The following OR52N4 variants were observed in gnomAD, a reference collection of about 807,000 sequenced individuals.
The protein encoded by OR52N4 is olfactory receptor family 52 subfamily N member 4.
In OR52N4, 15 loss-of-function variants were observed where a neutral mutation model predicts 15.0. The ratio of observed to expected loss-of-function variants is 1.00; its 90% confidence interval spans 0.67 to 1.54. OR52N4 has a LOEUF of 1.54. OR52N4 is among the 40% of genes most tolerant of loss of function. The pLI, the probability that OR52N4 is intolerant of heterozygous loss-of-function variation, is 0.00. For synonymous variants in OR52N4, 143 were observed against 143.7 expected (o/e 1.00, Z 0.03); for missense variants, 421 against 394.0 (o/e 1.07, Z -0.58).
At chr11:5,741,702 TG>T in the OR52N4 span, among the ~76,000 whole-genome samples, 6 of 152,186 alleles carry the variant, frequency 3.9e-5, no homozygotes, top group Non-Finnish European at 8.8e-5. Context: ...AGAGCTGGAT[TG>T]TCTAGTAGTT....
chr11:5,742,623 T>C, the OR52N4 span, among the ~76,000 whole-genome samples: 1 of 152,216 alleles, frequency 6.6e-6, no homozygotes, highest in Non-Finnish European at 1.5e-5. Flanking sequence ...CTAAAAATTT[T>C]GTGTTCTGCT....
At chr11:5,751,501 G>T (rs1854190501), upstream of OR52N4, among the ~76,000 whole-genome samples, 1 of 151,544 alleles carries the variant, frequency 6.6e-6, no homozygotes, top group African/African-American at 2.4e-5. Context: ...GTAATATTAG[G>T]TTGGTGCAAA....
Position 5,755,874 on chromosome 11 carries a change from C to A in OR52N4, c.*168C>A. On this transcript the variant is annotated 3_prime_UTR_variant, in exon 2 of 2. Transcript: ENST00000641350. ...TGGGAATCTCAACATCATTGGAAGG[C>A]CCACCAACATTTCTATAAATTTTTT... 1.4e-6 allele frequency: 1 copy of A among 738,646 alleles called. No individual in the cohort carries two copies. 45.8% of individuals were successfully genotyped at this position (738,646 alleles called of 1,614,324 possible).
the OR52N4 span, chr11:5,736,747 G>A: frequency 6.2e-7 from 1 of 1,613,990 alleles, no homozygotes; most frequent in African/African-American, 1.3e-5. Context: ...TCCTCTGTAT[G>A]GTAGACATGG....
rs867894134 is a variant in OR52N4, at chr11:5,755,523, C to A, written c.783C>A (p.Phe261Leu). 1.3e-5 allele frequency: 21 copies of A among 1,613,792 alleles called. No individual in the cohort carries two copies. Among genetic ancestry groups the A allele is most frequent in the Non-Finnish European group, 1.6e-5 (19 of 1,179,834 alleles). ...CCTATACTCCAGCTTTCTTCTCCTT[C>A]TTTTCCCACCGCTTTGGGGAACACA... ...VFSYTPAFFS[F>L]FSHRFGEHII... The change falls in exon 2 of 2, where the codon TTC (phenylalanine) becomes TTA (leucine). Residue 261 changes from phenylalanine (F) to leucine (L), a missense_variant. Coordinates refer to ENST00000641350, the MANE Select transcript of OR52N4 (RefSeq NM_001005175.5).
At chr11:5,729,458 T>C in the OR52N4 span, among the ~76,000 whole-genome samples, 1 of 152,172 alleles carries the variant, frequency 6.6e-6, no homozygotes, top group African/African-American at 2.4e-5. Context: ...TATATACAAT[T>C]CTAACACTAC....
the OR52N4 span, among the ~76,000 whole-genome samples, chr11:5,740,091 T>C: frequency 4.7e-5 from 6 of 127,856 alleles, 1 homozygote; most frequent in Non-Finnish European, 1.0e-4. Flanking sequence ...AATAAACCTA[T>C]CTGATGACTA....
chr11:5,752,771 C>A (rs1229573813), upstream of OR52N4, among the ~76,000 whole-genome samples: 2 of 152,138 alleles, frequency 1.3e-5, no homozygotes, highest in African/African-American at 4.8e-5. Flanking sequence ...CAGCAACTAA[C>A]AGGACCCTTC....
chr11:5,734,380 G>A, the OR52N4 span: 17 of 296,172 alleles, frequency 5.7e-5, no homozygotes, highest in East Asian at 1.0e-4. Flanking sequence ...GGATTAGAGG[G>A]CCTTTCCAAA....
the OR52N4 span, among the ~76,000 whole-genome samples, chr11:5,732,244 C>T: frequency 6.6e-6 from 1 of 152,122 alleles, no homozygotes; most frequent in Non-Finnish European, 1.5e-5. Flanking sequence ...CTACTTTCTA[C>T]TACAAATTAC....
chr11:5,743,408 A>T, the OR52N4 span, among the ~76,000 whole-genome samples: 7 of 152,196 alleles, frequency 4.6e-5, no homozygotes, highest in Non-Finnish European at 8.8e-5. Context: ...TATACAGAAC[A>T]TTCTGCCCAA....
upstream of OR52N4, among the ~76,000 whole-genome samples, chr11:5,753,069 C>A (rs1326936408): frequency 1.3e-5 from 2 of 152,058 alleles, no homozygotes; most frequent in South Asian, 4.1e-4. Context: ...AGGTTTTTTC[C>A]AGTTTTAGGC....
rs1184500603 is a variant in OR52N4 at position 5,755,731 on chromosome 11, G to A, written c.*25G>A. 1 of 1,594,718 alleles carries A rather than the reference G, an allele frequency of 6.3e-7. No homozygotes were observed. Among genetic ancestry groups the A allele is most frequent in the Non-Finnish European group, 8.5e-7 (1 of 1,171,146 alleles). ...AATGAACACTTGCCAGGAGTGAGAA[G>A]AGAAGGAAAGAATTACTTCTATTTG... On this transcript the variant is annotated 3_prime_UTR_variant, in exon 2 of 2. Transcript: ENST00000641350.
In OR52N4 at chr11:5,755,277, C is replaced by A; in HGVS notation, c.537C>A (p.Thr179=). The part of the protein sequence containing the change: ...PYCRGNILPH[T]YCDHMSVAKL... ...GCAGAGGCAATATACTTCCCCATAC[C>A]TACTGTGACCACATGTCTGTAGCCA... The change falls in exon 2 of 2, where the codon ACC becomes ACA. Residue 179 remains threonine, a synonymous_variant. Coordinates refer to ENST00000641350, the MANE Select transcript of OR52N4 (RefSeq NM_001005175.5). 1.2e-6 allele frequency: 2 copies of A among 1,614,066 alleles called. No homozygotes were observed. Among genetic ancestry groups the A allele is most frequent in the Non-Finnish European group, 1.7e-6 (2 of 1,179,988 alleles).
chr11:5,741,394 T>C, the OR52N4 span, among the ~76,000 whole-genome samples: 2 of 152,230 alleles, frequency 1.3e-5, no homozygotes, highest in Non-Finnish European at 2.9e-5. Context: ...ACAGTGACTC[T>C]TAGAAGCCTG....
upstream of OR52N4, among the ~76,000 whole-genome samples, chr11:5,750,936 T>C (rs893474155): frequency 6.6e-6 from 1 of 152,042 alleles, no homozygotes; most frequent in African/African-American, 2.4e-5. Context: ...AAGTGTAACT[T>C]TGGGAGGTCC....
At chr11:5,737,281 C>A in the OR52N4 span, 2 of 1,614,086 alleles carry the variant, frequency 1.2e-6, no homozygotes, top group Non-Finnish European at 1.7e-6. Context: ...CACATCTCAC[C>A]CTCATCCTTT....
chr11:5,738,586 A>G, the OR52N4 span: 1 of 149,880 alleles, frequency 6.7e-6, no homozygotes, highest in Non-Finnish European at 1.5e-5. Flanking sequence ...GGCTTTATTT[A>G]TATCACCAGC....
the OR52N4 span, among the ~76,000 whole-genome samples, chr11:5,741,265 G>T: frequency 6.6e-6 from 1 of 152,174 alleles, no homozygotes; most frequent in African/African-American, 2.4e-5. Flanking sequence ...AAGAGGATAA[G>T]ATCTTAAGAC....
Sources: gnomAD v4.1 joint callset for allele counts (sites outside exome capture counted in the v4.1 genomes callset) on GRCh38, gnomAD v4.1.1 for gene constraint, MANE v1.5 for transcripts, NCBI Gene and HGNC (gene_info 2026-07-23, HGNC 2026-07-21) for gene names.